RIOK1: variants seen among roughly 807,000 people sequenced by gnomAD.
RIOK1 encodes serine/threonine-protein kinase RIO1.
RIOK1 carries 66 observed loss-of-function variants against 73.5 expected under a neutral mutation model. The ratio of observed to expected loss-of-function variants is 0.90; its 90% CI spans 0.74 to 1.10. The LOEUF (loss-of-function observed/expected upper bound fraction) is 1.10, where lower values mean the gene tolerates loss of function less well. Among genes scored for constraint, RIOK1 ranks in the 50% least tolerant of loss-of-function variants. The pLI is 0.00. For missense variants in RIOK1, 658 were observed against 699.8 expected, an observed-to-expected ratio of 0.94 and a Z score of 0.67; for synonymous variants, 224 against 226.8, an observed-to-expected ratio of 0.99 and a Z score of 0.11.
intron 2 of RIOK1, 79 bp from the exon 3 acceptor site, chr6:7,394,974 T>G: frequency 6.3e-7 from 1 of 1,575,286 alleles, no homozygotes. Flanking sequence ...AATAGCTAAG[T>G]ATGAACTAAG....
At chr6:7,412,236 CTGTAATCCAAGCT>C (rs1761904057) in intron 14 of RIOK1, among the ~76,000 whole-genome samples, 1 of 150,856 alleles carries the variant, frequency 6.6e-6, no homozygotes, top group African/African-American at 2.4e-5. Flanking sequence ...TGGCGTGCTC[CTGTAATCCAAGCT>C]ACTGGGGAGG....
chr6:7,416,595 C>A (rs531012705), intron 16 of RIOK1, among the ~76,000 whole-genome samples: 27 of 150,056 alleles, frequency 1.8e-4, no homozygotes, highest in African/African-American at 6.6e-4. Flanking sequence ...TTGCAGTGAG[C>A]CGAGATCACG....
intron 3 of RIOK1, among the ~76,000 whole-genome samples, chr6:7,395,812 C>T (rs1041306222): frequency 1.3e-5 from 2 of 151,738 alleles, no homozygotes; most frequent in African/African-American, 4.8e-5. Flanking sequence ...GGGGTTCAGA[C>T]GATCCTCCCA....
In RIOK1 at chr6:7,402,588, T is replaced by A. The variant is rs758989806; in HGVS notation, c.574-15T>A. ...AACATAAACTTCATTTTCTTTTTTT[T>A]TTGACTTAATATAGGCTAATGTATA... On this transcript the variant is annotated splice_polypyrimidine_tract_variant and intron_variant, in intron 6 of 16. Transcript: ENST00000379834. The A allele has an allele frequency of 6.4e-7, 1 of 1,550,922 alleles. No homozygotes were observed. The highest frequency in any genetic ancestry group is 1.2e-5 in the South Asian group (1 of 82,696).
Position 7,405,333 on chromosome 6 carries a change from A to C in RIOK1, c.1181A>C (p.Asn394Thr). 1 of 1,604,722 alleles carries C rather than the reference A, an allele frequency of 6.2e-7. No homozygotes were observed. The highest frequency in any genetic ancestry group is 1.3e-5 in the African/African-American group (1 of 74,902). ...FVTDPSITHE[N>T]MDAYLSKAME... ...ACAGATCCATCCATTACACATGAGA[A>C]CATGGATGCTTATCTCTCAAAGGTA... The change falls in exon 12 of 17, where the codon AAC becomes ACC. Residue 394 changes from asparagine (N) to threonine (T), a missense_variant. Asn to Thr is a moderately conservative substitution (Grantham distance 65). Coordinates refer to ENST00000379834, the MANE Select transcript of RIOK1 (RefSeq NM_031480.3).
chr6:7,402,072 A>T (rs1561876947), intron 6 of RIOK1, among the ~76,000 whole-genome samples: 1 of 152,150 alleles, frequency 6.6e-6, no homozygotes, highest in Non-Finnish European at 1.5e-5. Context: ...TTTAAATTGG[A>T]TTTTACTGTA....
At chr6:7,404,594 G>C in intron 10 of RIOK1, 39 bp downstream of exon 10, 1 of 1,601,584 alleles carries the variant, frequency 6.2e-7, no homozygotes, top group Non-Finnish European at 8.5e-7. Context: ...CCTGTCAGTT[G>C]TTTCGTGTCC....
chr6:7,412,651 CAAAA>C (rs35985238), intron 14 of RIOK1, among the ~76,000 whole-genome samples: 1 of 123,436 alleles, frequency 8.1e-6, no homozygotes, highest in Non-Finnish European at 1.7e-5. Context: ...GACTCCGTCT[CAAAA>C]AAAAAAAAAA....
At chr6:7,398,101 C>T (rs1053373469) in intron 4 of RIOK1, among the ~76,000 whole-genome samples, 3 of 152,194 alleles carry the variant, frequency 2.0e-5, no homozygotes, top group Non-Finnish European at 4.4e-5. Context: ...GAGATCGTGC[C>T]ACTGCACTCC....
chr6:7,416,077 C>G (rs1212160531), intron 16 of RIOK1, among the ~76,000 whole-genome samples: 3 of 152,160 alleles, frequency 2.0e-5, no homozygotes, highest in African/African-American at 7.2e-5. Flanking sequence ...TCTTTAATCC[C>G]TAGCCATAGA....
At chr6:7,400,851 A>G in intron 5 of RIOK1, 107 bp from the exon 6 acceptor site, 1 of 645,524 alleles carries the variant, frequency 1.5e-6, no homozygotes, top group East Asian at 2.8e-5. Flanking sequence ...GTCAACCAGG[A>G]TAGCGTCGTA....
intron 12 of RIOK1, among the ~76,000 whole-genome samples, chr6:7,406,285 C>T (rs753276428): frequency 6.6e-6 from 1 of 152,108 alleles, no homozygotes; most frequent in East Asian, 1.9e-4. Flanking sequence ...GTGTGAGCCA[C>T]GACGCCCGGC....
chr6:7,389,875 A>G lies in RIOK1; in HGVS notation c.-128A>G. 1 of 664,572 alleles carries G rather than the reference A, an allele frequency of 1.5e-6. No individual in the cohort carries two copies. Among genetic ancestry groups the G allele is most frequent in the East Asian group, 3.0e-5 (1 of 33,794 alleles). The allele number at this position is 664,572 out of a possible 1,614,324, so 41.2% of individuals were successfully genotyped here. A position where few individuals can be genotyped will look rare whatever the true frequency, so the allele number is the denominator to read the frequency against. On this transcript the variant is annotated 5_prime_UTR_variant, in exon 1 of 17. Coordinates refer to ENST00000379834, the MANE Select transcript of RIOK1 (RefSeq NM_031480.3). ...CGTTTTCCCGTCGCACGTGGTGGCC[A>G]CTGTTGGCTTCTGAATGGTTTGCAA...
chr6:7,396,792 T>C lies in RIOK1; in HGVS notation c.437+20T>C, dbSNP rs1761485093. ...AGATATGTAAGTAATATTTTAATAA[T>C]ATGCATGGGTGATAAGGACTAATCT... On this transcript the variant is annotated intron_variant, in intron 4 of 16. Transcript: ENST00000379834. 1.5e-6 allele frequency: 2 copies of C among 1,313,614 alleles called. No homozygotes were observed. The highest frequency in any genetic ancestry group is 2.4e-5 in the South Asian group (2 of 82,746). 81.4% of individuals were successfully genotyped at this position (1,313,614 alleles called of 1,614,324 possible). A position where few individuals can be genotyped will look rare whatever the true frequency, so the allele number is the denominator to read the frequency against.
chr6:7,412,572 AC>A (rs769555684), intron 14 of RIOK1, among the ~76,000 whole-genome samples: 1 of 150,818 alleles, frequency 6.6e-6, no homozygotes, highest in Non-Finnish European at 1.5e-5. Context: ...AATCTCCTGA[AC>A]CCCAGGTGGT....
intron 12 of RIOK1, among the ~76,000 whole-genome samples, chr6:7,406,038 C>T (rs1761737826): frequency 1.3e-5 from 2 of 151,042 alleles, no homozygotes; most frequent in African/African-American, 2.4e-5. Flanking sequence ...CACTCTGTCA[C>T]GCAGGCTGGA....
At chr6:7,410,311 A>G (rs2113525808) in intron 12 of RIOK1, 75 bp from the exon 13 acceptor site, 2 of 1,026,076 alleles carry the variant, frequency 1.9e-6, no homozygotes, top group Admixed American at 1.9e-5. Context: ...GAACAATTTT[A>G]TACCAAAACT....
chr6:7,409,334 A>G (rs1455608910), intron 12 of RIOK1, among the ~76,000 whole-genome samples: 1 of 151,252 alleles, frequency 6.6e-6, no homozygotes, highest in Non-Finnish European at 1.5e-5. Flanking sequence ...GGCTCACCAC[A>G]ACCTCTGCCT....
chr6:7,416,832 A>G (rs9379101), intron 16 of RIOK1, among the ~76,000 whole-genome samples: 136,437 of 152,006 alleles, frequency 0.9, 61,573 homozygotes, highest in Middle Eastern at 0.97. Context: ...AAAAGAAAAA[A>G]CTGAAAGACA....
Sources: gnomAD v4.1 joint callset for allele counts (sites outside exome capture counted in the v4.1 genomes callset) on GRCh38, gnomAD v4.1.1 for gene constraint, MANE v1.5 for transcripts, NCBI Gene and HGNC (gene_info 2026-07-23, HGNC 2026-07-21) for gene names.